TFDP2: variants seen among roughly 807,000 people sequenced by gnomAD.
The protein encoded by TFDP2 is transcription factor Dp-2 (E2F dimerization partner 2).
TFDP2 carries 17 observed loss-of-function variants against 59.3 expected under a neutral mutation model. The observed-to-expected ratio is 0.29, with a 90% CI of 0.20 to 0.43. TFDP2 has a LOEUF of 0.43. Ranked by LOEUF, TFDP2 falls within the 20% of genes least tolerant of loss-of-function variation. TFDP2 has a pLI of 1.00. For missense variants in TFDP2, 391 were observed against 528.8 expected (o/e 0.74, Z 2.56); for synonymous variants, 180 against 194.7 (o/e 0.92, Z 0.63).
chr3:142,140,679 G>T (rs1322892339), intron 1 of TFDP2, among the ~76,000 whole-genome samples: 2 of 152,184 alleles, frequency 1.3e-5, no homozygotes, highest in African/African-American at 4.8e-5. Context: ...CGTTTGCCTG[G>T]GTATCAGCAG....
At chr3:142,048,453 T>C (rs1197362621) in intron 3 of TFDP2, among the ~76,000 whole-genome samples, 1 of 151,890 alleles carries the variant, frequency 6.6e-6, no homozygotes, top group African/African-American at 2.4e-5. Flanking sequence ...GAAAAAAGAT[T>C]AGTAGAGGTA....
chr3:142,076,516 TG>T (rs989925773), intron 3 of TFDP2, among the ~76,000 whole-genome samples: 93 of 151,906 alleles, frequency 6.1e-4, no homozygotes, highest in African/African-American at 2.0e-3. Flanking sequence ...TAAGGCAAGA[TG>T]AAAAAAAATG....
chr3:142,144,301 G>C (rs2063078991), intron 1 of TFDP2, among the ~76,000 whole-genome samples: 1 of 151,970 alleles, frequency 6.6e-6, no homozygotes, highest in African/African-American at 2.4e-5. Flanking sequence ...TTGAACCCAG[G>C]AGGTGGAGGT....
In TFDP2 at chr3:142,099,653, T is replaced by C. The variant is rs139596557; in HGVS notation, c.15+2082A>G. ...AGGCAGAGGTTGCAGTGAGCTGAGA[T>C]TGTGCCATTGTATTCCAGCCCGGGC... On this transcript the variant is annotated intron_variant, in intron 2 of 12. Coordinates refer to ENST00000489671, the MANE Select transcript of TFDP2 (RefSeq NM_001178139.2). Among the ~76,000 whole-genome samples the C allele has an allele frequency of 2.3e-3, 344 of 151,758 alleles. 4 individuals carry two copies. The highest frequency in any genetic ancestry group is 7.8e-3 in the African/African-American group (322 of 41,358).
chr3:142,003,039 G>A (rs982547055), intron 4 of TFDP2, among the ~76,000 whole-genome samples: 3 of 150,888 alleles, frequency 2.0e-5, no homozygotes, highest in Non-Finnish European at 1.5e-5. Context: ...GTCTTGCTCT[G>A]TCACCCAGGC....
chr3:142,039,546 T>A (rs1350382700), intron 3 of TFDP2, among the ~76,000 whole-genome samples: 1 of 152,108 alleles, frequency 6.6e-6, no homozygotes, highest in Non-Finnish European at 1.5e-5. Flanking sequence ...GAAGCAAACA[T>A]CTTGTTTCTG....
At chr3:142,011,324 G>GTAAAC (rs1944662554) in intron 3 of TFDP2, among the ~76,000 whole-genome samples, 1 of 129,372 alleles carries the variant, frequency 7.7e-6, no homozygotes, top group South Asian at 2.7e-4. Context: ...ATCATTCTCA[G>GTAAAC]TAAACTATCG....
intron 3 of TFDP2, among the ~76,000 whole-genome samples, chr3:142,066,844 C>T (rs146595740): frequency 1.1e-3 from 160 of 152,270 alleles, no homozygotes; most frequent in African/African-American, 3.5e-3. Flanking sequence ...AAATCCAAGG[C>T]TGATTTGACA....
chr3:142,064,033 A>G (rs1052879603), intron 3 of TFDP2, among the ~76,000 whole-genome samples: 88 of 152,090 alleles, frequency 5.8e-4, no homozygotes, highest in African/African-American at 2.1e-3. Context: ...GGGTCACTGC[A>G]ACCTTTGCCT....
chr3:142,111,970 A>G (rs984580744), intron 1 of TFDP2, among the ~76,000 whole-genome samples: 1 of 151,992 alleles, frequency 6.6e-6, no homozygotes, highest in Non-Finnish European at 1.5e-5. Flanking sequence ...GGAGGCTGAG[A>G]CAGGAGAATC....
intron 1 of TFDP2, among the ~76,000 whole-genome samples, chr3:142,106,424 C>T (rs2061476363): frequency 6.6e-6 from 1 of 152,180 alleles, no homozygotes; most frequent in Admixed American, 6.5e-5. Context: ...TAAAAATACA[C>T]ATTTCTAAAT....
chr3:142,114,435 A>C (rs577394221), intron 1 of TFDP2, among the ~76,000 whole-genome samples: 5 of 152,208 alleles, frequency 3.3e-5, no homozygotes, highest in African/African-American at 4.8e-5. Flanking sequence ...TAGATGACTA[A>C]AAAAAGCCTT....
chr3:142,106,609 C>T (rs1217538369), intron 1 of TFDP2, among the ~76,000 whole-genome samples: 1 of 152,186 alleles, frequency 6.6e-6, no homozygotes, highest in African/African-American at 2.4e-5. Context: ...GTCATGTGCA[C>T]TGATGCATTA....
Position 142,127,092 on chromosome 3 carries a change from ATAAT to A in TFDP2, c.-93+22087_-93+22090del, listed in dbSNP as rs543003161. Reference sequence around the variant, plus strand: ...TATGTAATTAGATGTATCTACCTATATAATTATATATAGATGATCAGATATATCT... The same window carrying A: ...TATGTAATTAGATGTATCTACCTATATATATATAGATGATCAGATATATCT... On this transcript the variant is annotated intron_variant, in intron 1 of 12. Coordinates refer to ENST00000489671, the MANE Select transcript of TFDP2 (RefSeq NM_001178139.2). 2.0e-3 allele frequency among the ~76,000 whole-genome samples: 293 copies of A among 149,186 alleles called. 1 individual carries two copies. The highest frequency in any genetic ancestry group is 3.6e-3 in the Non-Finnish European group (242 of 67,478).
intron 3 of TFDP2, among the ~76,000 whole-genome samples, chr3:142,055,595 T>G (rs2059712313): frequency 6.6e-6 from 1 of 152,226 alleles, no homozygotes; most frequent in Non-Finnish European, 1.5e-5. Context: ...ACATTTAAAC[T>G]CAGACCTATT....
intron 3 of TFDP2, among the ~76,000 whole-genome samples, chr3:142,022,055 A>C (rs905609203): frequency 1.1e-4 from 16 of 152,210 alleles, no homozygotes; most frequent in Admixed American, 1.0e-3. Flanking sequence ...CTCAACTAAA[A>C]TTTCCTAGTT....
chr3:142,131,576 C>G (rs1408387548), intron 1 of TFDP2, among the ~76,000 whole-genome samples: 1 of 150,124 alleles, frequency 6.7e-6, no homozygotes, highest in Non-Finnish European at 1.5e-5. Context: ...TTATGATTAG[C>G]AACAAATTAA....
intron 4 of TFDP2, among the ~76,000 whole-genome samples, chr3:142,003,235 G>A (rs551159423): frequency 4.0e-4 from 61 of 152,110 alleles, no homozygotes; most frequent in Non-Finnish European, 4.7e-4. Context: ...TCCTGACCTC[G>A]TGATCCACCC....
intron 3 of TFDP2, among the ~76,000 whole-genome samples, chr3:142,020,685 A>C (rs1560045799): frequency 6.6e-6 from 1 of 151,760 alleles, no homozygotes; most frequent in Non-Finnish European, 1.5e-5. Flanking sequence ...TCTTTAAAAA[A>C]AAAAAAAAAG....
Sources: gnomAD v4.1 joint callset for allele counts (sites outside exome capture counted in the v4.1 genomes callset) on GRCh38, gnomAD v4.1.1 for gene constraint, MANE v1.5 for transcripts, NCBI Gene and HGNC (gene_info 2026-07-23, HGNC 2026-07-21) for gene names.